The following EIF4G2 variants were observed in gnomAD, a reference collection of about 807,000 sequenced individuals.
The protein encoded by EIF4G2 is DAP-5.
EIF4G2 carries 8 observed loss-of-function variants against 117.7 expected under a neutral mutation model. The ratio of observed to expected loss-of-function variants is 0.07; its 90% CI spans 0.04 to 0.12. The LOEUF (loss-of-function observed/expected upper bound fraction) is 0.12. Among genes scored for constraint, EIF4G2 ranks in the 10% least tolerant of loss-of-function variants. The pLI is 1.00. For synonymous variants in EIF4G2, 413 were observed against 367.8 expected (o/e 1.12, Z -1.41); for missense variants, 812 against 1,086.2 (o/e 0.75, Z 3.55).
Position 10,801,082 on chromosome 11 carries a change from G to A in EIF4G2, c.1419C>T (p.Ser473=), listed in dbSNP as rs753533530. ...TTAGGAACGACTGAGCAGGCCTCAG[G>A]CTAATCTGGAATTGAAAACAAAATA... The change falls in exon 15 of 22, where the codon AGC becomes AGT. Residue 473 remains serine (S), a synonymous_variant. Transcript: ENST00000339995. 3 of 1,613,608 alleles carry A rather than the reference G, an allele frequency of 1.9e-6. No homozygotes were observed. The highest frequency in any genetic ancestry group is 4.5e-5 in the East Asian group (2 of 44,872).
Position 10,806,029 on chromosome 11 carries a change from G to C in EIF4G2, c.126C>G (p.Thr42=), listed in dbSNP as rs112399289. 1 of 1,614,142 alleles carries C rather than the reference G, an allele frequency of 6.2e-7. No individual in the cohort carries two copies. Among genetic ancestry groups the C allele is most frequent in the Non-Finnish European group, 8.5e-7 (1 of 1,180,022 alleles). The change falls in exon 4 of 22, where the codon ACC becomes ACG. Residue 42 remains threonine (T), a synonymous_variant. Transcript: ENST00000339995. Reference sequence around the variant, plus strand: ...TCCATTTCTGAGCGTTTTGCCCTGGGGTTTTCCCCAGGAACTCGCTGATTA... The same window carrying C: ...TCCATTTCTGAGCGTTTTGCCCTGGCGTTTTCCCCAGGAACTCGCTGATTA...
chr11:10,804,593 A>C, intron 5 of EIF4G2, 175 bp from the exon 6 acceptor site: 3 of 785,000 alleles, frequency 3.8e-6, no homozygotes, highest in Middle Eastern at 3.7e-4. Context: ...CATGGATATC[A>C]AAACTTTCAA....
chr11:10,801,494 C>G (rs1352738262), intron 14 of EIF4G2, 167 bp downstream of exon 14: 1 of 790,160 alleles, frequency 1.3e-6, no homozygotes, highest in Non-Finnish European at 2.2e-6. Context: ...AATCTTCGCT[C>G]ACAGGACGCT....
At position 10,800,719 on chromosome 11, in the gene EIF4G2, T is replaced by C. The variant is rs780739713; in HGVS notation, c.1644+12A>G. On this transcript the variant is annotated intron_variant, in intron 16 of 21. Transcript: ENST00000339995. ...AGGCTAATTACACTAAAATGGGATA[T>C]TTGAAACTTACAGTTAGTTTAAGGA... The C allele has an allele frequency of 1.2e-6, 2 of 1,614,192 alleles. No individual in the cohort carries two copies. Among genetic ancestry groups the C allele is most frequent in the South Asian group, 1.1e-5 (1 of 91,080 alleles).
In EIF4G2 at chr11:10,799,664, A is replaced by G. The variant is rs1204686200; in HGVS notation, c.2212T>C (p.Leu738=). 5 of 1,614,068 alleles carry G rather than the reference A, an allele frequency of 3.1e-6. No individual in the cohort carries two copies. The highest frequency in any genetic ancestry group is 1.7e-5 in the Admixed American group (1 of 59,998). ...GATGGATCCAACTTTATTTGCTTCA[A>G]CAGTTCCTTCTCCAATTTGAGGAGT... Residue 738 remains leucine, a synonymous_variant, in exon 19 of 22, where the codon TTG becomes CTG. Coordinates refer to ENST00000339995, the MANE Select transcript of EIF4G2 (RefSeq NM_001418.4).
intron 21 of EIF4G2, among the ~76,000 whole-genome samples, chr11:10,798,439 CTAG>C (rs1357983829): frequency 6.6e-6 from 1 of 152,172 alleles, no homozygotes; most frequent in Non-Finnish European, 1.5e-5. Flanking sequence ...GTTGCCCAGA[CTAG>C]AGTGCAGTGG....
intron 18 of EIF4G2, 116 bp from the exon 19 acceptor site, chr11:10,799,872 T>G: frequency 7.7e-7 from 1 of 1,301,416 alleles, no homozygotes; most frequent in Non-Finnish European, 1.0e-6. Flanking sequence ...TGTAGCAGAA[T>G]AGAGAACCAA....
rs755670699 is a variant in EIF4G2 at position 10,800,742 on chromosome 11, G to A, written c.1633C>T (p.Leu545Phe). 3.1e-6 allele frequency: 5 copies of A among 1,614,034 alleles called. No homozygotes were observed. The highest frequency in any genetic ancestry group is 2.7e-5 in the African/African-American group (2 of 74,916). The change falls in exon 16 of 22, where the codon CTT (leucine) becomes TTT (phenylalanine). Residue 545 changes from leucine to phenylalanine, a missense_variant. Around this residue, in one of 4 missense-constraint regions of EIF4G2, gnomAD observed 571 missense variants for 642.3 expected, o/e 0.89. Transcript: ENST00000339995. ...TATTTGAAACTTACAGTTAGTTTAA[G>A]GAGTTCTTCCTTTGACGGTGGTGGC... is the stretch of plus-strand genomic sequence containing the variant.
In EIF4G2 at chr11:10,802,146, T is replaced by C; in HGVS notation, c.1202A>G (p.His401Arg). 6.2e-7 allele frequency: 1 copy of C among 1,614,248 alleles called. No individual in the cohort carries two copies. The highest frequency in any genetic ancestry group is 8.5e-7 in the Non-Finnish European group (1 of 1,180,050). ...GCCATTGAAGAGTTGATTTGAACGA[T>C]GACGTCCCATGGTGGGTGAAAATCT... is the stretch of plus-strand genomic sequence containing the variant. Residue 401 changes from histidine to arginine, a missense_variant, in exon 13 of 22, where the codon CAT becomes CGT. His to Arg is a conservative substitution (Grantham distance 29, BLOSUM62 0). This residue lies in a region of EIF4G2 where 571 missense variants were observed against 642.3 expected (regional missense o/e 0.89). Coordinates refer to ENST00000339995, the MANE Select transcript of EIF4G2 (RefSeq NM_001418.4).
intron 3 of EIF4G2, chr11:10,806,288 A>G (rs953782338): frequency 2.2e-5 from 12 of 551,072 alleles, no homozygotes; most frequent in Non-Finnish European, 3.5e-5. Context: ...GGGCCTAAGA[A>G]TTTGCATGTC....
rs925499061 is a variant in EIF4G2, at chr11:10,799,655, T to C, written c.2221A>G (p.Ile741Val). The C allele has an allele frequency of 5.0e-6, 8 of 1,614,064 alleles. No individual in the cohort carries two copies. Among genetic ancestry groups the C allele is most frequent in the African/African-American group, 1.3e-5 (1 of 74,928 alleles). ...GTTTGAGGGGATGGATCCAACTTTA[T>C]TTGCTTCAACAGTTCCTTCTCCAAT... Residue 741 changes from isoleucine (I) to valine (V), a missense_variant, in exon 19 of 22, where the codon ATA becomes GTA. Transcript: ENST00000339995.
chr11:10,807,847 C>G, intron 1 of EIF4G2: 1 of 989,064 alleles, frequency 1.0e-6, no homozygotes, highest in Non-Finnish European at 1.2e-6. Flanking sequence ...CGTGGAAAGA[C>G]GCGCGAGAGG....
At chr11:10,798,444 G>C (rs183870107) in intron 21 of EIF4G2, among the ~76,000 whole-genome samples, 1 of 152,200 alleles carries the variant, frequency 6.6e-6, no homozygotes, top group Admixed American at 6.5e-5. Flanking sequence ...CCAGACTAGA[G>C]TGCAGTGGTG....
At chr11:10,806,096 T>TAA in intron 3 of EIF4G2, 49 bp from the exon 4 acceptor site, 1 of 1,609,016 alleles carries the variant, frequency 6.2e-7, no homozygotes, top group Non-Finnish European at 8.5e-7. Flanking sequence ...CACCAAATGT[T>TAA]AAACATCATA....
In EIF4G2 at chr11:10,804,962, A is replaced by T. The variant is rs1346853672; in HGVS notation, c.302T>A (p.Leu101His). The T allele has an allele frequency of 6.2e-7, 1 of 1,614,138 alleles. No individual in the cohort carries two copies. Among genetic ancestry groups the T allele is most frequent in the Non-Finnish European group, 8.5e-7 (1 of 1,180,008 alleles). The change falls in exon 5 of 22, where the codon CTC becomes CAC. Residue 101 changes from leucine (L) to histidine (H), a missense_variant. Physicochemically the swap from Leu to His is moderately conservative, Grantham distance 99. This residue lies in a region of EIF4G2 where 154 missense variants were observed against 322.1 expected (regional missense o/e 0.48). Transcript: ENST00000339995. ...GAGTTTAGACTCTACACCCACATTG[A>T]GGAGCTCAAGGCATAGCTTGTCAAA... is the stretch of plus-strand genomic sequence containing the variant.
chr11:10,802,099 G>C lies in EIF4G2; in HGVS notation c.1249C>G (p.Pro417Ala), dbSNP rs1847439496. Residue 417 changes from proline (P) to alanine (A), a missense_variant, in exon 13 of 22, where the codon CCC (proline) becomes GCC (alanine). By Grantham distance (27) the Pro-to-Ala change is conservative. Coordinates refer to ENST00000339995, the MANE Select transcript of EIF4G2 (RefSeq NM_001418.4). ...ATCTCTCCAAACTGCGATTGTGTGGGAGGCATGATGTGTCCCCCATGGCCA... is the reference window on the plus strand; with the variant it reads ...ATCTCTCCAAACTGCGATTGTGTGGCAGGCATGATGTGTCCCCCATGGCCA... 9.1e-7 allele frequency: 1 copy of C among 1,097,524 alleles called. No individual in the cohort carries two copies. Among genetic ancestry groups the C allele is most frequent in the South Asian group, 1.7e-5 (1 of 60,396 alleles). The allele number at this position is 1,097,524 out of a possible 1,614,324, so 68.0% of individuals were successfully genotyped here.
chr11:10,808,123 G>GCCTCCAAGCGGGCCC, intron 1 of EIF4G2: 1 of 1,042,064 alleles, frequency 9.6e-7, no homozygotes, highest in Non-Finnish European at 1.2e-6. Context: ...CCCACCCGCC[G>GCCTCCAAGCGGGCCC]CCTCCAAGCG....
In EIF4G2 at chr11:10,797,828, T is replaced by C. The variant is rs1364118310; in HGVS notation, c.2712A>G (p.Glu904=). Residue 904 remains glutamate, a synonymous_variant, in exon 22 of 22, where the codon GAA becomes GAG. Coordinates refer to ENST00000339995, the MANE Select transcript of EIF4G2 (RefSeq NM_001418.4). The surrounding 1 kb of genome is among the most constrained non-coding windows in gnomAD (Gnocchi z 4.5). ...TTTGGCTGGTTCTTTAGTCAGCTTC[T>C]TCCTCTGATTCTTCTTCTTCAGCAG... The C allele has an allele frequency of 1.2e-6, 2 of 1,614,062 alleles. No individual in the cohort carries two copies. The highest frequency in any genetic ancestry group is 2.2e-5 in the South Asian group (2 of 91,082).
At chr11:10,807,823 C>T in intron 1 of EIF4G2, 1 of 991,388 alleles carries the variant, frequency 1.0e-6, no homozygotes, top group Non-Finnish European at 1.2e-6. Context: ...TTCGCCTCCT[C>T]CCCGTGGAGA....
Sources: allele counts gnomAD v4.1 joint callset (sites outside exome capture counted in the v4.1 genomes callset), GRCh38; gene constraint gnomAD v4.1.1; regional missense constraint gnomAD v4.1.1; non-coding constraint Gnocchi (gnomAD v3.1); transcripts MANE v1.5; gene names NCBI Gene and HGNC (gene_info 2026-07-23, HGNC 2026-07-21).